The following CHD7 variants were observed in gnomAD, a reference collection of about 807,000 sequenced individuals.
CHD7 encodes the protein ATP-dependent chromatin remodeler CHD7.
Under a neutral mutation model 307.3 loss-of-function variants are expected in CHD7, and 24 were observed. The ratio of observed to expected loss-of-function variants is 0.08; its 90% CI spans 0.06 to 0.11. The LOEUF (loss-of-function observed/expected upper bound fraction) is 0.11, where lower values mean the gene tolerates loss of function less well. Among genes scored for constraint, CHD7 ranks in the 10% least tolerant of loss-of-function variants. The pLI is 1.00. For missense variants in CHD7, 3,106 were observed against 3,727.1 expected, an observed-to-expected ratio of 0.83 and a Z score of 4.34; for synonymous variants, 1,363 against 1,349.9, an observed-to-expected ratio of 1.01 and a Z score of -0.21.
intron 1 of CHD7, among the ~76,000 whole-genome samples, chr8:60,695,997 G>C (rs557698596): frequency 6.6e-6 from 1 of 152,112 alleles, no homozygotes; most frequent in African/African-American, 2.4e-5. Flanking sequence ...CTAAAATCCA[G>C]TCAACTGTTA....
At chr8:60,828,604 G>A in intron 13 of CHD7, 59 bp from the exon 14 acceptor site, 1 of 1,501,392 alleles carries the variant, frequency 6.7e-7, no homozygotes, top group Non-Finnish European at 9.0e-7. Flanking sequence ...GAGAGGCTCT[G>A]GTTTTAAGAA....
intron 1 of CHD7, among the ~76,000 whole-genome samples, chr8:60,714,039 C>G (rs996561949): frequency 6.6e-6 from 1 of 152,048 alleles, no homozygotes; most frequent in African/African-American, 2.4e-5. Context: ...ACCCCAGATT[C>G]AGACTCCCAG....
intron 7 of CHD7, among the ~76,000 whole-genome samples, chr8:60,815,494 C>G (rs752965929): frequency 6.6e-6 from 1 of 152,108 alleles, no homozygotes; most frequent in Non-Finnish European, 1.5e-5. Context: ...TATTGAAGAA[C>G]TAAGCAAAAG....
chr8:60,746,059 G>A (rs1586257798), intron 2 of CHD7, among the ~76,000 whole-genome samples: 1 of 152,220 alleles, frequency 6.6e-6, no homozygotes, highest in East Asian at 1.9e-4. Flanking sequence ...TTTTTGAGAT[G>A]AAGTCTCACT....
intron 1 of CHD7, among the ~76,000 whole-genome samples, chr8:60,701,861 A>G (rs1334629590): frequency 1.3e-5 from 2 of 152,168 alleles, no homozygotes; most frequent in Non-Finnish European, 2.9e-5. Flanking sequence ...ATTTTTCTGT[A>G]GGGCACATGT....
chr8:60,850,153 G>T (rs1282051005), intron 25 of CHD7, among the ~76,000 whole-genome samples: 1 of 152,174 alleles, frequency 6.6e-6, no homozygotes, highest in Non-Finnish European at 1.5e-5. Flanking sequence ...GGTCATAAAG[G>T]AACATTGCGA....
chr8:60,864,960 G>A, intron 37 of CHD7, 56 bp from the exon 38 acceptor site: 1 of 1,501,576 alleles, frequency 6.7e-7, no homozygotes, highest in South Asian at 1.2e-5. Context: ...CTCACATTGA[G>A]ATCAAGTTGT....
intron 1 of CHD7, among the ~76,000 whole-genome samples, chr8:60,730,311 A>C (rs1808377220): frequency 6.6e-6 from 1 of 152,198 alleles, no homozygotes. Flanking sequence ...GTTAAGTTAA[A>C]TATACAGAGT....
intron 1 of CHD7, among the ~76,000 whole-genome samples, chr8:60,697,665 T>A (rs1806551261): frequency 6.6e-6 from 1 of 152,192 alleles, no homozygotes; most frequent in Non-Finnish European, 1.5e-5. Context: ...ATTGATGAAA[T>A]CTAGTAGTTA....
At chr8:60,785,539 A>G (rs1419742067) in intron 3 of CHD7, among the ~76,000 whole-genome samples, 1 of 152,228 alleles carries the variant, frequency 6.6e-6, no homozygotes, top group Non-Finnish European at 1.5e-5. Flanking sequence ...TGAGGAACTC[A>G]GCTTTTCAAA....
intron 1 of CHD7, among the ~76,000 whole-genome samples, chr8:60,737,122 C>T (rs1373015101): frequency 2.0e-5 from 3 of 152,058 alleles, no homozygotes; most frequent in African/African-American, 7.2e-5. Flanking sequence ...TTGCTTTTAT[C>T]ATTGATTCTG....
rs763280915 is a variant in CHD7 at position 60,865,461 on chromosome 8, C to A, written c.8522C>A (p.Ser2841Ter). The change falls in exon 38 of 38, where the codon TCA (serine) becomes TAA (stop). Residue 2841 changes from serine to a stop codon, truncating the protein, a stop_gained. Transcript: ENST00000423902. LOFTEE classifies it high-confidence loss of function. The surrounding 1 kb of genome is among the most constrained non-coding windows in gnomAD (Gnocchi z 4.3). ...CAAGGAGAACCGGAAGACAGCACTT[C>A]AAAAGGAGAGGAGAAAGGAAATGAG... ...SSQGEPEDST[S>*]KGEEKGNENE... The A allele has an allele frequency of 6.2e-7, 1 of 1,613,978 alleles. No homozygotes were observed. The highest frequency in any genetic ancestry group is 8.5e-7 in the Non-Finnish European group (1 of 1,179,894).
At chr8:60,681,577 A>G (rs1333360560) in intron 1 of CHD7, among the ~76,000 whole-genome samples, 4 of 152,232 alleles carry the variant, frequency 2.6e-5, no homozygotes, top group Non-Finnish European at 5.9e-5. Context: ...TAGTAAAATA[A>G]TTTGGAAATG....
At chr8:60,699,672 T>C (rs1586179725) in intron 1 of CHD7, among the ~76,000 whole-genome samples, 1 of 152,090 alleles carries the variant, frequency 6.6e-6, no homozygotes, top group Non-Finnish European at 1.5e-5. Context: ...TAGAAAATTA[T>C]AATAAATAGG....
intron 2 of CHD7, among the ~76,000 whole-genome samples, chr8:60,773,017 A>T (rs963083730): frequency 2.0e-5 from 3 of 152,150 alleles, no homozygotes; most frequent in African/African-American, 7.2e-5. Flanking sequence ...TTGTTCTGTC[A>T]TTTCCATTCA....
intron 34 of CHD7, among the ~76,000 whole-genome samples, chr8:60,857,916 G>T (rs1372453246): frequency 6.6e-6 from 1 of 152,214 alleles, no homozygotes; most frequent in Non-Finnish European, 1.5e-5. Context: ...TTTGCCCTCT[G>T]GTGGGGTCTA....
At chr8:60,688,752 C>T (rs931936356) in intron 1 of CHD7, among the ~76,000 whole-genome samples, 4 of 152,180 alleles carry the variant, frequency 2.6e-5, no homozygotes, top group Admixed American at 6.5e-5. Context: ...ATTCTCCAAA[C>T]ATGGTGGGTG....
chr8:60,823,811 T>G, intron 12 of CHD7, 29 bp from the exon 13 acceptor site: 1 of 1,582,286 alleles, frequency 6.3e-7, no homozygotes, highest in Non-Finnish European at 8.7e-7. Context: ...CCATTAATGC[T>G]TAATAATAAT....
chr8:60,729,481 A>G (rs553132581), intron 1 of CHD7, among the ~76,000 whole-genome samples: 72 of 152,310 alleles, frequency 4.7e-4, no homozygotes, highest in Non-Finnish European at 1.0e-3. Flanking sequence ...GTATGATGCA[A>G]GTATTATCCC....
Sources: gnomAD v4.1 joint callset for allele counts (sites outside exome capture counted in the v4.1 genomes callset) on GRCh38, gnomAD v4.1.1 for gene constraint, Gnocchi (gnomAD v3.1) non-coding constraint, MANE v1.5 for transcripts, NCBI Gene and HGNC (gene_info 2026-07-23, HGNC 2026-07-21) for gene names.